The following NRXN3 variants were observed in gnomAD, a reference collection of about 807,000 sequenced individuals.
NRXN3 encodes neurexin 3.
Under a neutral mutation model 137.6 loss-of-function variants are expected in NRXN3, and 32 were observed. The observed-to-expected ratio is 0.23, with a 90% CI of 0.18 to 0.31. The LOEUF is 0.31. Ranked by LOEUF, NRXN3 falls within the 10% of genes least tolerant of loss-of-function variation. NRXN3 has a pLI of 1.00. For synonymous variants in NRXN3, 798 were observed against 784.5 expected (o/e 1.02, Z -0.29); for missense variants, 1,574 against 2,062.5 (o/e 0.76, Z 4.59).
chr14:78,749,983 T>C (rs781587238), intron 8 of NRXN3, among the ~76,000 whole-genome samples: 1 of 152,264 alleles, frequency 6.6e-6, no homozygotes, highest in Non-Finnish European at 1.5e-5. Flanking sequence ...TATTTATTTA[T>C]AGTTCCTTCA....
intron 4 of NRXN3, among the ~76,000 whole-genome samples, chr14:78,376,007 CACACACACACACAT>C (rs914117135): frequency 1.3e-5 from 2 of 148,308 alleles, no homozygotes; most frequent in African/African-American, 5.0e-5. Flanking sequence ...CCTTGATACA[CACACACACACACAT>C]ACACACACAC....
intron 16 of NRXN3, among the ~76,000 whole-genome samples, chr14:79,490,543 G>A (rs1012278419): frequency 6.6e-6 from 1 of 152,112 alleles, no homozygotes; most frequent in Non-Finnish European, 1.5e-5. Flanking sequence ...AGAACATTAT[G>A]TTAAGTGAAA....
At chr14:78,354,779 G>T (rs1219323619) in intron 4 of NRXN3, among the ~76,000 whole-genome samples, 2 of 152,198 alleles carry the variant, frequency 1.3e-5, no homozygotes, top group Non-Finnish European at 2.9e-5. Flanking sequence ...CAACCAGTAA[G>T]AAGGTTTATG....
At chr14:79,349,721 CAG>C (rs1212670079) in intron 15 of NRXN3, among the ~76,000 whole-genome samples, 4 of 152,104 alleles carry the variant, frequency 2.6e-5, no homozygotes, top group African/African-American at 9.7e-5. Context: ...ACAGTCTTAA[CAG>C]AGGTAATCAA....
At position 79,861,225 on chromosome 14, in the gene NRXN3, A is replaced by G. The variant is rs1296882987; in HGVS notation, c.4094-117A>G. 11 of 1,534,506 alleles carry G rather than the reference A, an allele frequency of 7.2e-6. No individual in the cohort carries two copies. Among genetic ancestry groups the G allele is most frequent in the Non-Finnish European group, 9.6e-6 (11 of 1,146,246 alleles). ...CCTTGCTTGTCGGACCAAGGCAGCG[A>G]TGGTTGTGATGATGATGGCTTGGTG... On this transcript the variant is annotated intron_variant, in intron 20 of 20. Transcript: ENST00000335750. The surrounding 1 kb of genome is among the most constrained non-coding windows in gnomAD (Gnocchi z 5.4).
At chr14:79,229,408 T>G (rs541804410) in intron 15 of NRXN3, among the ~76,000 whole-genome samples, 2 of 152,288 alleles carry the variant, frequency 1.3e-5, no homozygotes, top group South Asian at 4.2e-4. Flanking sequence ...CCGGGAAACT[T>G]CAGTGTAAAG....
chr14:78,383,137 C>T (rs140470220), intron 4 of NRXN3, among the ~76,000 whole-genome samples: 123 of 152,278 alleles, frequency 8.1e-4, no homozygotes, highest in African/African-American at 2.2e-3. Flanking sequence ...GAATCAGGGG[C>T]TGGGCTCTTC....
chr14:79,755,926 G>T (rs1239968284), intron 19 of NRXN3, among the ~76,000 whole-genome samples: 2 of 152,012 alleles, frequency 1.3e-5, no homozygotes, highest in African/African-American at 4.8e-5. Context: ...GTGTCAATTT[G>T]TATAGTTATC....
intron 9 of NRXN3, among the ~76,000 whole-genome samples, chr14:78,806,728 T>A (rs1359602107): frequency 2.0e-5 from 3 of 152,208 alleles, no homozygotes; most frequent in Admixed American, 6.5e-5. Context: ...GCACAACTTT[T>A]AAAAAGTTGA....
chr14:79,803,798 C>A (rs559106713), intron 19 of NRXN3, among the ~76,000 whole-genome samples: 1 of 151,866 alleles, frequency 6.6e-6, no homozygotes, highest in South Asian at 2.1e-4. Context: ...GCTCACTTAA[C>A]CTAACTGCAA....
At chr14:78,378,596 A>G (rs1286676293) in intron 4 of NRXN3, among the ~76,000 whole-genome samples, 1 of 152,208 alleles carries the variant, frequency 6.6e-6, no homozygotes, top group African/African-American at 2.4e-5. Flanking sequence ...GTAGCTAAAT[A>G]CATACATTAG....
chr14:78,871,082 A>T (rs961074634), intron 10 of NRXN3, among the ~76,000 whole-genome samples: 1 of 147,518 alleles, frequency 6.8e-6, no homozygotes, highest in African/African-American at 2.5e-5. Flanking sequence ...TATACCCAGA[A>T]GTGGCATTAC....
intron 15 of NRXN3, among the ~76,000 whole-genome samples, chr14:79,073,277 T>A (rs2088967): frequency 1.3e-5 from 2 of 151,974 alleles, no homozygotes; most frequent in Non-Finnish European, 2.9e-5. Context: ...ATGTAGAAAC[T>A]ATTTCAGAGA....
At chr14:78,611,569 A>G (rs1377230513) in intron 4 of NRXN3, among the ~76,000 whole-genome samples, 1 of 152,200 alleles carries the variant, frequency 6.6e-6, no homozygotes, top group Non-Finnish European at 1.5e-5. Context: ...AGGCAACCCT[A>G]TGAAGACAGG....
At chr14:78,915,378 C>G in intron 10 of NRXN3, among the ~76,000 whole-genome samples, 1 of 53,144 alleles carries the variant, frequency 1.9e-5, no homozygotes, top group South Asian at 5.0e-4. Flanking sequence ...AAAAACCACA[C>G]AGAAAAAAAA....
chr14:79,086,934 A>G (rs950419797), intron 15 of NRXN3, among the ~76,000 whole-genome samples: 9 of 152,196 alleles, frequency 5.9e-5, no homozygotes, highest in African/African-American at 2.2e-4. Context: ...TAATTATGTC[A>G]ATTGTCTGTA....
chr14:78,451,243 G>A (rs149690007), intron 4 of NRXN3, among the ~76,000 whole-genome samples: 129 of 152,268 alleles, frequency 8.5e-4, no homozygotes, highest in Middle Eastern at 3.4e-3. Flanking sequence ...TACAACATAC[G>A]GGACCTTAGA....
intron 15 of NRXN3, among the ~76,000 whole-genome samples, chr14:79,073,480 C>G (rs183870179): frequency 6.8e-4 from 103 of 152,250 alleles, no homozygotes; most frequent in African/African-American, 2.3e-3. Context: ...TCAGCATTTT[C>G]CTCCTGCTTG....
At position 78,179,167 on chromosome 14, in the gene NRXN3, C is replaced by T. The variant is rs2059551239; in HGVS notation, c.-704+8493C>T. Among the ~76,000 whole-genome samples, 3 of 152,160 alleles carry T rather than the reference C, an allele frequency of 2.0e-5. No homozygotes were observed. In the South Asian group the frequency reaches 6.2e-4, roughly 32 times the overall value. On this transcript the variant is annotated intron_variant, in intron 1 of 20. Transcript: ENST00000335750. ...AGGAACATGTGCACTGACAACATCCCCCTACATCTGTGTCACAGGATAAAG... is the reference window on the plus strand; with the variant it reads ...AGGAACATGTGCACTGACAACATCCTCCTACATCTGTGTCACAGGATAAAG...
Sources: allele counts gnomAD v4.1 joint callset (sites outside exome capture counted in the v4.1 genomes callset), GRCh38; gene constraint gnomAD v4.1.1; non-coding constraint Gnocchi (gnomAD v3.1); transcripts MANE v1.5; gene names NCBI Gene and HGNC (gene_info 2026-07-23, HGNC 2026-07-21).